C14orf132: variants seen among roughly 807,000 people sequenced by gnomAD.
C14orf132 encodes the protein uncharacterized protein C14orf132.
In C14orf132, 6 loss-of-function variants were observed where a neutral mutation model predicts 5.8. The ratio of observed to expected loss-of-function variants is 1.03; its 90% CI spans 0.57 to 2.04. The LOEUF (loss-of-function observed/expected upper bound fraction) is 2.04, where lower values mean the gene tolerates loss of function less well. Among genes scored for constraint, C14orf132 ranks in the 30% most tolerant of loss-of-function variants. The probability of loss-of-function intolerance (pLI) is 0.00; values close to 1 mark genes in which losing one functional copy is unlikely to be tolerated. For synonymous variants in C14orf132, 51 were observed against 49.8 expected, an observed-to-expected ratio of 1.02 and a Z score of -0.10; for missense variants, 125 against 115.8, an observed-to-expected ratio of 1.08 and a Z score of -0.37.
At chr14:96,066,770 CATAAT>C (rs1369639197) in intron 1 of C14orf132, among the ~76,000 whole-genome samples, 7 of 152,030 alleles carry the variant, frequency 4.6e-5, no homozygotes, top group African/African-American at 1.7e-4. Context: ...TGTAACATAA[CATAAT>C]ATATTGTAAT....
At chr14:96,085,651 C>T (rs987448320) in intron 1 of C14orf132, among the ~76,000 whole-genome samples, 2 of 152,172 alleles carry the variant, frequency 1.3e-5, no homozygotes, top group Admixed American at 6.5e-5. Context: ...TCCTATCCAC[C>T]GGAAGGTATA....
rs1163523510 is a variant in C14orf132, at chr14:96,089,337, T to G, written c.*2602T>G. 6.6e-6 allele frequency: 1 copy of G among 152,366 alleles called. No individual in the cohort carries two copies. The highest frequency in any genetic ancestry group is 1.9e-4 in the East Asian group (1 of 5,192). The allele number at this position is 152,366 out of a possible 1,614,324, so 9.4% of individuals were successfully genotyped here. ...AACTCCTTACAATCACCACACAGCATCATCGCCCCAGTGCACAGATGAGGA... is the reference window on the plus strand; with the variant it reads ...AACTCCTTACAATCACCACACAGCAGCATCGCCCCAGTGCACAGATGAGGA... On this transcript the variant is annotated 3_prime_UTR_variant, in exon 2 of 2. Transcript: ENST00000555004.
At chr14:96,045,335 G>A (rs1186469754) in intron 1 of C14orf132, among the ~76,000 whole-genome samples, 3 of 152,236 alleles carry the variant, frequency 2.0e-5, no homozygotes, top group African/African-American at 4.8e-5. Flanking sequence ...ACATAGGAGT[G>A]TGGGTGTTTT....
chr14:96,058,668 G>C (rs1349518894), intron 1 of C14orf132, among the ~76,000 whole-genome samples: 1 of 152,176 alleles, frequency 6.6e-6, no homozygotes, highest in Non-Finnish European at 1.5e-5. Flanking sequence ...GTGCCCTCAA[G>C]CAGAAAGCAG....
rs1887917653 is a variant in C14orf132, at chr14:96,077,763, C to G, written c.28-8748C>G. Among the ~76,000 whole-genome samples the G allele has an allele frequency of 2.0e-5, 3 of 152,222 alleles. No individual in the cohort carries two copies. In the South Asian group the frequency reaches 6.2e-4, roughly 31 times the overall value. On this transcript the variant is annotated intron_variant, in intron 1 of 1. Coordinates refer to ENST00000555004, the MANE Select transcript of C14orf132 (RefSeq NM_001252507.3). Reference sequence around the variant, plus strand: ...GCAGTTTGGGTCTGGTCTGAAAATTCTCTGTCACCTTCTATAAGCAGTGGT... The same window carrying G: ...GCAGTTTGGGTCTGGTCTGAAAATTGTCTGTCACCTTCTATAAGCAGTGGT...
chr14:96,042,904 T>C (rs1374493297), intron 1 of C14orf132, among the ~76,000 whole-genome samples: 1 of 152,200 alleles, frequency 6.6e-6, no homozygotes, highest in Non-Finnish European at 1.5e-5. Flanking sequence ...TCATTTCTCT[T>C]AGGCCAGGAG....
chr14:96,044,531 C>T lies in C14orf132; in HGVS notation c.27+5004C>T, dbSNP rs577048526. ...ACCAATCTCTATTAGTTTCCTAAGG[C>T]TGTGATAAATTACTACAAACTGGGT... On this transcript the variant is annotated intron_variant, in intron 1 of 1. Coordinates refer to ENST00000555004, the MANE Select transcript of C14orf132 (RefSeq NM_001252507.3). 2.6e-5 allele frequency among the ~76,000 whole-genome samples: 4 copies of T among 152,306 alleles called. No homozygotes were observed. In the East Asian group the frequency reaches 7.7e-4, roughly 29 times the overall value.
intron 1 of C14orf132, among the ~76,000 whole-genome samples, chr14:96,051,489 T>A (rs936896171): frequency 6.6e-6 from 1 of 152,200 alleles, no homozygotes; most frequent in Non-Finnish European, 1.5e-5. Flanking sequence ...CACTGCTGAT[T>A]TCTTCCAGCC....
At position 96,090,578 on chromosome 14, in the gene C14orf132, G is replaced by T. The variant is rs1011721152; in HGVS notation, c.*3843G>T. On this transcript the variant is annotated 3_prime_UTR_variant, in exon 2 of 2. Coordinates refer to ENST00000555004, the MANE Select transcript of C14orf132 (RefSeq NM_001252507.3). ...GCAGCTCTTCCTACTCCAAGCCAAT[G>T]CTGTCCTTCCCCTTTCCCATGAAAT... 1 of 455,872 alleles carries T rather than the reference G, an allele frequency of 2.2e-6. No individual in the cohort carries two copies. The highest frequency in any genetic ancestry group is 2.0e-5 in the African/African-American group (1 of 50,132). 28.2% of individuals were successfully genotyped at this position (455,872 alleles called of 1,614,324 possible).
rs545666019 is a variant in C14orf132, at chr14:96,091,607, C to T, written c.*4872C>T. 5.2e-5 allele frequency: 8 copies of T among 154,668 alleles called. No homozygotes were observed. Among genetic ancestry groups the T allele is most frequent in the African/African-American group, 1.7e-4 (7 of 41,458 alleles). 9.6% of individuals were successfully genotyped at this position (154,668 alleles called of 1,614,324 possible). On this transcript the variant is annotated 3_prime_UTR_variant, in exon 2 of 2. Transcript: ENST00000555004. Reference sequence around the variant, plus strand: ...GTCCTGGCAGATGCCCAGTGATTGTCCCCGAGCAAGTGCCAGGGTTGGGCT... The same window carrying T: ...GTCCTGGCAGATGCCCAGTGATTGTTCCCGAGCAAGTGCCAGGGTTGGGCT...
intron 1 of C14orf132, chr14:96,040,284 A>G (rs967989687): frequency 1.8e-5 from 7 of 398,492 alleles, no homozygotes; most frequent in African/African-American, 1.4e-4. Flanking sequence ...GAACAAAGAC[A>G]AATCCCGGAT....
At chr14:96,040,846 A>G (rs535649591) in intron 1 of C14orf132, among the ~76,000 whole-genome samples, 31 of 152,238 alleles carry the variant, frequency 2.0e-4, no homozygotes, top group African/African-American at 5.8e-4. Context: ...TTTTAGCTAC[A>G]TGAAAACTAA....
At chr14:96,077,633 A>C (rs994566447) in intron 1 of C14orf132, among the ~76,000 whole-genome samples, 1 of 152,154 alleles carries the variant, frequency 6.6e-6, no homozygotes, top group Admixed American at 6.5e-5. Flanking sequence ...TGAGGATGTA[A>C]ATCTCTGCTG....
Position 96,053,297 on chromosome 14 carries a change from C to T in C14orf132, c.27+13770C>T, listed in dbSNP as rs138681969. 2.3e-3 allele frequency among the ~76,000 whole-genome samples: 350 copies of T among 152,296 alleles called. 2 individuals are homozygous for T. The highest frequency in any genetic ancestry group is 7.6e-3 in the African/African-American group (318 of 41,576). On this transcript the variant is annotated intron_variant, in intron 1 of 1. Coordinates refer to ENST00000555004, the MANE Select transcript of C14orf132 (RefSeq NM_001252507.3). ...CAGACACCGTTCTAGGCACTGGGGACGCTGGGGAACAAGCACTAAATTCCC... is the reference window on the plus strand; with the variant it reads ...CAGACACCGTTCTAGGCACTGGGGATGCTGGGGAACAAGCACTAAATTCCC...
chr14:96,049,562 G>A (rs1237994405), intron 1 of C14orf132, among the ~76,000 whole-genome samples: 4 of 94,482 alleles, frequency 4.2e-5, no homozygotes, highest in East Asian at 2.6e-4. Context: ...ACATATATAC[G>A]TATATATACA....
At chr14:96,064,178 G>T (rs1278930016) in intron 1 of C14orf132, among the ~76,000 whole-genome samples, 2 of 151,948 alleles carry the variant, frequency 1.3e-5, no homozygotes, top group East Asian at 3.9e-4. Flanking sequence ...AGAAATAAAA[G>T]TAGAACTACC....
At chr14:96,056,507 C>T (rs560249073) in intron 1 of C14orf132, among the ~76,000 whole-genome samples, 2 of 152,218 alleles carry the variant, frequency 1.3e-5, no homozygotes, top group South Asian at 2.1e-4. Flanking sequence ...GTTTGAATCC[C>T]GAGTTTGAAA....
chr14:96,069,031 C>A (rs1302863343), intron 1 of C14orf132, among the ~76,000 whole-genome samples: 1 of 151,692 alleles, frequency 6.6e-6, no homozygotes, highest in South Asian at 2.1e-4. Flanking sequence ...CCCCTCAGCT[C>A]CTCTGGTTCT....
intron 1 of C14orf132, among the ~76,000 whole-genome samples, chr14:96,068,604 A>C (rs1373859156): frequency 6.6e-6 from 1 of 152,124 alleles, no homozygotes; most frequent in Non-Finnish European, 1.5e-5. Context: ...GGATGAGCAC[A>C]CGGACCATGT....
Sources: allele counts gnomAD v4.1 joint callset (sites outside exome capture counted in the v4.1 genomes callset), GRCh38; gene constraint gnomAD v4.1.1; transcripts MANE v1.5; gene names NCBI Gene and HGNC (gene_info 2026-07-23, HGNC 2026-07-21).